SUSD1: variants seen among roughly 807,000 people sequenced by gnomAD.
SUSD1 encodes sushi domain-containing protein 1.
A neutral mutation model predicts 86.9 loss-of-function variants in SUSD1; 65 were observed. The observed-to-expected ratio is 0.75, with a 90% CI of 0.61 to 0.92. The LOEUF (loss-of-function observed/expected upper bound fraction) is 0.92. Among genes scored for constraint, SUSD1 ranks in the 40% least tolerant of loss-of-function variants. The pLI, the probability that SUSD1 is intolerant of heterozygous loss-of-function variation, is 0.00. For missense variants in SUSD1, 850 were observed against 929.7 expected (o/e 0.91, Z 1.11); for synonymous variants, 346 against 350.0 (o/e 0.99, Z 0.13).
At chr9:112,103,353 T>C (rs1347973587) in intron 8 of SUSD1, among the ~76,000 whole-genome samples, 2 of 152,216 alleles carry the variant, frequency 1.3e-5, no homozygotes, top group Non-Finnish European at 2.9e-5. Flanking sequence ...TCCTTTGTCT[T>C]CACAACTTTT....
At chr9:112,102,976 T>C (rs771661265) in intron 8 of SUSD1, among the ~76,000 whole-genome samples, 2 of 152,240 alleles carry the variant, frequency 1.3e-5, no homozygotes, top group Non-Finnish European at 2.9e-5. Flanking sequence ...GAAGGATAGA[T>C]TTATTACTAA....
At chr9:112,098,800 T>C (rs941212984) in intron 9 of SUSD1, 138 bp from the exon 10 acceptor site, 13 of 789,410 alleles carry the variant, frequency 1.6e-5, no homozygotes, top group African/African-American at 5.2e-5. Context: ...TTTAAGACAA[T>C]AGCAAGCTAA....
intron 12 of SUSD1, among the ~76,000 whole-genome samples, chr9:112,067,314 C>T (rs116981377): frequency 0.019 from 2,848 of 152,328 alleles, 148 homozygotes; most frequent in South Asian, 0.12. Flanking sequence ...GGAAGAGCAA[C>T]GGGCCTGTGG....
chr9:112,161,241 G>A (rs1234892394), intron 1 of SUSD1, among the ~76,000 whole-genome samples: 2 of 151,816 alleles, frequency 1.3e-5, no homozygotes, highest in South Asian at 2.1e-4. Context: ...TTAGCCAGGC[G>A]TGGTGGCACA....
At chr9:112,140,114 G>GT (rs1340151149) in intron 5 of SUSD1, among the ~76,000 whole-genome samples, 15 of 85,256 alleles carry the variant, frequency 1.8e-4, no homozygotes, top group African/African-American at 6.8e-4. Flanking sequence ...TGTAATCCCA[G>GT]CACTTTGGGA....
chr9:112,137,417 C>T (rs1832312848), intron 5 of SUSD1, among the ~76,000 whole-genome samples: 1 of 152,198 alleles, frequency 6.6e-6, no homozygotes, highest in Admixed American at 6.5e-5. Context: ...CATTCTCAGT[C>T]TAATAATCCA....
chr9:112,124,150 G>T, intron 6 of SUSD1, 107 bp downstream of exon 6: 1 of 1,105,152 alleles, frequency 9.0e-7, no homozygotes, highest in Non-Finnish European at 1.2e-6. Flanking sequence ...AAATAGCCGA[G>T]CTGGGTACAG....
At chr9:112,172,992 C>A (rs751298005) in intron 1 of SUSD1, among the ~76,000 whole-genome samples, 3 of 152,186 alleles carry the variant, frequency 2.0e-5, no homozygotes, top group Non-Finnish European at 4.4e-5. Context: ...CAAATTCACC[C>A]CCAAAACCTT....
chr9:112,066,077 G>A (rs540661661), intron 12 of SUSD1, among the ~76,000 whole-genome samples: 4 of 152,312 alleles, frequency 2.6e-5, no homozygotes, highest in South Asian at 2.1e-4. Flanking sequence ...GAAGACGGCC[G>A]GCCGAGCCAA....
At chr9:112,077,351 C>T (rs140717019) in intron 12 of SUSD1, among the ~76,000 whole-genome samples, 1 of 151,894 alleles carries the variant, frequency 6.6e-6, no homozygotes, top group Non-Finnish European at 1.5e-5. Context: ...AAATAAGAAT[C>T]AAGAAGCTAA....
intron 15 of SUSD1, among the ~76,000 whole-genome samples, chr9:112,049,583 T>C (rs956742182): frequency 6.6e-6 from 1 of 152,204 alleles, no homozygotes; most frequent in South Asian, 2.1e-4. Flanking sequence ...AATTTGTCAC[T>C]GGGCAAAGGC....
At chr9:112,172,475 ATCTG>A (rs1276034494) in intron 1 of SUSD1, among the ~76,000 whole-genome samples, 3 of 152,156 alleles carry the variant, frequency 2.0e-5, no homozygotes, top group Non-Finnish European at 4.4e-5. Flanking sequence ...CTCTCCAAGG[ATCTG>A]TCTTTCATCC....
intron 9 of SUSD1, among the ~76,000 whole-genome samples, chr9:112,100,111 C>T (rs958228045): frequency 1.2e-4 from 19 of 152,182 alleles, no homozygotes; most frequent in Non-Finnish European, 2.5e-4. Context: ...TTTAGCAAAC[C>T]GCTTTTAAAT....
intron 3 of SUSD1, among the ~76,000 whole-genome samples, chr9:112,148,272 G>A (rs888251323): frequency 6.6e-6 from 1 of 152,116 alleles, no homozygotes; most frequent in Non-Finnish European, 1.5e-5. Flanking sequence ...ATTAAATAGC[G>A]TATGCTGTTT....
intron 15 of SUSD1, among the ~76,000 whole-genome samples, chr9:112,047,002 C>T (rs1827983554): frequency 6.6e-6 from 1 of 152,166 alleles, no homozygotes; most frequent in Non-Finnish European, 1.5e-5. Flanking sequence ...CACATTGTGG[C>T]TGGTTCTCTG....
intron 5 of SUSD1, among the ~76,000 whole-genome samples, chr9:112,141,013 T>C (rs1386221769): frequency 6.6e-6 from 1 of 152,224 alleles, no homozygotes; most frequent in East Asian, 1.9e-4. Flanking sequence ...ACACCTGTAA[T>C]AGGGCACTTA....
intron 5 of SUSD1, among the ~76,000 whole-genome samples, chr9:112,128,550 C>T (rs1466489990): frequency 3.3e-5 from 5 of 152,196 alleles, no homozygotes; most frequent in South Asian, 2.1e-4. Flanking sequence ...CCTGCAACCA[C>T]GCCCAGCTAA....
At chr9:112,044,833 C>T (rs1827886391) in intron 15 of SUSD1, among the ~76,000 whole-genome samples, 1 of 152,090 alleles carries the variant, frequency 6.6e-6, no homozygotes, top group Non-Finnish European at 1.5e-5. Flanking sequence ...CTTCTTATAC[C>T]AAAAACTACC....
chr9:112,042,624 T>A (rs1827791681), intron 15 of SUSD1, among the ~76,000 whole-genome samples: 1 of 152,210 alleles, frequency 6.6e-6, no homozygotes, highest in Non-Finnish European at 1.5e-5. Context: ...ACTTAGAGAA[T>A]CATGTTCTAG....
Sources: allele counts gnomAD v4.1 joint callset (sites outside exome capture counted in the v4.1 genomes callset), GRCh38; gene constraint gnomAD v4.1.1; transcripts MANE v1.5; gene names NCBI Gene and HGNC (gene_info 2026-07-23, HGNC 2026-07-21).